Variants in VWA5B1 observed in about 807,000 individuals in gnomAD.
VWA5B1 encodes the protein von Willebrand factor A domain-containing protein 5B1.
Under a neutral mutation model 118.2 loss-of-function variants are expected in VWA5B1, and 115 were observed. The observed-to-expected ratio is 0.97, with a 90% CI of 0.84 to 1.14. The LOEUF is 1.14. Ranked by LOEUF, VWA5B1 falls within the 50% of genes most tolerant of loss-of-function variation. The probability of loss-of-function intolerance (pLI) is 0.00; values close to 1 mark genes in which losing one functional copy is unlikely to be tolerated. For synonymous variants in VWA5B1, 682 were observed against 658.4 expected, an observed-to-expected ratio of 1.04 and a Z score of -0.55; for missense variants, 1,596 against 1,603.8, an observed-to-expected ratio of 1.00 and a Z score of 0.08.
chr1:20,321,410 C>T (rs890636008), intron 7 of VWA5B1, among the ~76,000 whole-genome samples: 2 of 152,134 alleles, frequency 1.3e-5, no homozygotes, highest in Non-Finnish European at 2.9e-5. Context: ...CATGGCGAAA[C>T]CCCGTCTCTA....
intron 1 of VWA5B1, among the ~76,000 whole-genome samples, chr1:20,304,869 C>T (rs569484462): frequency 1.3e-5 from 2 of 152,134 alleles, no homozygotes; most frequent in East Asian, 1.9e-4. Context: ...CCTCTTCGAG[C>T]CTTGGTATTT....
chr1:20,298,663 C>T (rs749219590), intron 1 of VWA5B1, among the ~76,000 whole-genome samples: 4 of 152,036 alleles, frequency 2.6e-5, no homozygotes, highest in African/African-American at 9.7e-5. Context: ...AAGTAGCTTG[C>T]CTGTGTCACC....
intron 4 of VWA5B1, among the ~76,000 whole-genome samples, chr1:20,316,261 G>A (rs1172375647): frequency 6.6e-6 from 1 of 152,178 alleles, no homozygotes; most frequent in Non-Finnish European, 1.5e-5. Flanking sequence ...GGATCATGGA[G>A]AAGTTCTTTC....
intron 1 of VWA5B1, among the ~76,000 whole-genome samples, chr1:20,308,562 G>A (rs1386027968): frequency 3.9e-5 from 6 of 152,136 alleles, no homozygotes; most frequent in East Asian, 1.9e-4. Context: ...GCACCCTCAC[G>A]TCTTGCCTCC....
At chr1:20,313,402 A>G (rs945156303) in intron 3 of VWA5B1, among the ~76,000 whole-genome samples, 1 of 152,206 alleles carries the variant, frequency 6.6e-6, no homozygotes, top group African/African-American at 2.4e-5. Flanking sequence ...CCTCTGTAAA[A>G]TGGAATAAAT....
intron 1 of VWA5B1, among the ~76,000 whole-genome samples, chr1:20,306,999 C>T (rs544584917): frequency 1.3e-5 from 2 of 152,206 alleles, no homozygotes; most frequent in Non-Finnish European, 2.9e-5. Context: ...TCCCTCTTCT[C>T]CCCTGGCCCC....
In VWA5B1 at chr1:20,290,962, G is replaced by C. The variant is rs570083624; in HGVS notation, c.-153G>C. On this transcript the variant is annotated 5_prime_UTR_variant, in exon 1 of 22. Coordinates refer to ENST00000289815, the MANE Select transcript of VWA5B1 (RefSeq NM_001039500.3). ...ATCAAGCCAGCTGCCAGGGCAGCGG[G>C]CGCAGGGCTTGGGCACTGGAGCCCA... The C allele has an allele frequency of 1.3e-5, 2 of 152,372 alleles. No individual in the cohort carries two copies. The highest frequency in any genetic ancestry group is 4.1e-4 in the South Asian group (2 of 4,824). 9.4% of individuals were successfully genotyped at this position (152,372 alleles called of 1,614,324 possible).
At position 20,323,368 on chromosome 1, in the gene VWA5B1, C is replaced by G. The variant is rs777233754; in HGVS notation, c.979C>G (p.Arg327Gly). 1 of 1,483,094 alleles carries G rather than the reference C, an allele frequency of 6.7e-7. No individual in the cohort carries two copies. Among genetic ancestry groups the G allele is most frequent in the Non-Finnish European group, 9.0e-7 (1 of 1,114,930 alleles). The allele number at this position is 1,483,094 out of a possible 1,614,324, so 91.9% of individuals were successfully genotyped here. A position where few individuals can be genotyped will look rare whatever the true frequency, so the allele number is the denominator to read the frequency against. Residue 327 changes from arginine (R) to glycine (G), a missense_variant, in exon 8 of 22, where the codon CGA becomes GGA. By Grantham distance (125) the Arg-to-Gly change is moderately radical (BLOSUM62 -2). Coordinates refer to ENST00000289815, the MANE Select transcript of VWA5B1 (RefSeq NM_001039500.3). ...TTTCCTCTTCCAGACAGAAATCATTCGAAAACGCCTCCACAAAGACATTCC... is the reference window on the plus strand; with the variant it reads ...TTTCCTCTTCCAGACAGAAATCATTGGAAAACGCCTCCACAAAGACATTCC... ...SRAERKTEII[R>G]KRLHKDIPHH...
chr1:20,350,323 A>G, intron 19 of VWA5B1, 93 bp downstream of exon 19: 2 of 1,406,532 alleles, frequency 1.4e-6, no homozygotes, highest in South Asian at 2.5e-5. Flanking sequence ...CAAAGTCCTC[A>G]GGGCTTCATG....
chr1:20,342,790 G>C (rs1371173708), intron 15 of VWA5B1, among the ~76,000 whole-genome samples, 181 bp downstream of exon 15: 2 of 152,158 alleles, frequency 1.3e-5, no homozygotes, highest in African/African-American at 4.8e-5. Context: ...CTGGTTCTTG[G>C]GTGGCCTCTG....
chr1:20,314,385 T>C lies in VWA5B1; in HGVS notation c.356T>C (p.Leu119Ser). The change falls in exon 4 of 22, where the codon TTG becomes TCG. Residue 119 changes from leucine to serine, a missense_variant. Transcript: ENST00000289815. ...PHSCTPGKVT[L>S]DEDLERILFV... ...TCCTGCACACCGGGAAAGGTGACCTTGGACGAGGATTTGGAGCGGATCCTG... is the reference window on the plus strand; with the variant it reads ...TCCTGCACACCGGGAAAGGTGACCTCGGACGAGGATTTGGAGCGGATCCTG... 2 of 1,551,974 alleles carry C rather than the reference T, an allele frequency of 1.3e-6. No homozygotes were observed. The highest frequency in any genetic ancestry group is 1.7e-6 in the Non-Finnish European group (2 of 1,147,056).
rs1029722315 is a variant in VWA5B1, at chr1:20,359,091, C to T, written c.*4828C>T. Among the ~76,000 whole-genome samples the T allele has an allele frequency of 3.3e-5, 5 of 152,208 alleles. No individual in the cohort carries two copies. Among genetic ancestry groups the T allele is most frequent in the Admixed American group, 6.5e-5 (1 of 15,286 alleles). On this transcript the variant is annotated 3_prime_UTR_variant, in exon 22 of 22. Transcript: ENST00000289815. ...CAAATCTCCTTGGCTCAGGGCCAGC[C>T]GTTTTGAGCTTACAGCCACGTCCCA...
chr1:20,320,568 G>A (rs1030963582), intron 7 of VWA5B1, among the ~76,000 whole-genome samples: 1 of 152,240 alleles, frequency 6.6e-6, no homozygotes, highest in Non-Finnish European at 1.5e-5. Context: ...TCCCAGGCCT[G>A]GGGCTGGCTG....
At chr1:20,339,415 G>A (rs2089815507) in intron 14 of VWA5B1, among the ~76,000 whole-genome samples, 1 of 152,112 alleles carries the variant, frequency 6.6e-6, no homozygotes, top group South Asian at 2.1e-4. Flanking sequence ...GGTGGCACAT[G>A]CCTGTAATTC....
intron 1 of VWA5B1, among the ~76,000 whole-genome samples, chr1:20,292,481 A>AG (rs2088330846): frequency 6.6e-6 from 1 of 152,198 alleles, no homozygotes; most frequent in South Asian, 2.1e-4. Flanking sequence ...TGTGTGTGTA[A>AG]GGGGATTACC....
At position 20,356,964 on chromosome 1, in the gene VWA5B1, G is replaced by A. The variant is rs535555473; in HGVS notation, c.*2701G>A. On this transcript the variant is annotated 3_prime_UTR_variant, in exon 22 of 22. Transcript: ENST00000289815. ...TTTGGTAATTAGTACATACATTGAAGCTAACAGAGTTCTAAAGTTTCTCAA... is the reference window on the plus strand; with the variant it reads ...TTTGGTAATTAGTACATACATTGAAACTAACAGAGTTCTAAAGTTTCTCAA... Among the ~76,000 whole-genome samples, 2 of 152,372 alleles carry A rather than the reference G, an allele frequency of 1.3e-5. No homozygotes were observed. Among genetic ancestry groups the A allele is most frequent in the African/African-American group, 4.8e-5 (2 of 41,578 alleles).
chr1:20,330,479 G>A, intron 10 of VWA5B1, 97 bp downstream of exon 10: 2 of 1,390,568 alleles, frequency 1.4e-6, no homozygotes, highest in Non-Finnish European at 2.0e-6. Flanking sequence ...AGAGGGAGAG[G>A]ATAGGACCCA....
At chr1:20,315,486 G>A (rs555440436) in intron 4 of VWA5B1, among the ~76,000 whole-genome samples, 4 of 152,334 alleles carry the variant, frequency 2.6e-5, no homozygotes, top group African/African-American at 9.6e-5. Context: ...ACTTACAGCT[G>A]AGATCATTTT....
chr1:20,348,437 T>G, intron 18 of VWA5B1, 79 bp downstream of exon 18: 5 of 1,428,166 alleles, frequency 3.5e-6, no homozygotes, highest in Non-Finnish European at 4.8e-6. Flanking sequence ...CGTCCTCCTG[T>G]CCGAGGCCCT....
Sources: gnomAD v4.1 joint callset for allele counts (sites outside exome capture counted in the v4.1 genomes callset) on GRCh38, gnomAD v4.1.1 for gene constraint, MANE v1.5 for transcripts, NCBI Gene and HGNC (gene_info 2026-07-23, HGNC 2026-07-21) for gene names.